The following SLC9C2 variants were observed in gnomAD, a reference collection of about 807,000 sequenced individuals.
The protein encoded by SLC9C2 is solute carrier family 9 member C2 (putative), also known as sodium/hydrogen exchanger 11.
SLC9C2 carries 75 observed loss-of-function variants against 140.2 expected under a neutral mutation model. That is an observed-to-expected ratio of 0.53 (90% CI 0.44 to 0.65). The LOEUF is 0.65. SLC9C2 is among the 30% of genes least tolerant of loss of function. The pLI, the probability that SLC9C2 is intolerant of heterozygous loss-of-function variation, is 0.00. For synonymous variants in SLC9C2, 375 were observed against 420.9 expected, an observed-to-expected ratio of 0.89 and a Z score of 1.34; for missense variants, 1,074 against 1,331.8, an observed-to-expected ratio of 0.81 and a Z score of 3.01.
In SLC9C2 at chr1:173,573,669, G is replaced by A. The variant is rs75806211; in HGVS notation, c.903-344C>T. Among the ~76,000 whole-genome samples, 1,423 of 152,268 alleles carry A rather than the reference G, an allele frequency of 9.3e-3. 24 individuals are homozygous for A. Among genetic ancestry groups the A allele is most frequent in the African/African-American group, 0.033 (1,366 of 41,550 alleles). ...TCTTGGGCCTGCTACTGCTAAACCC[G>A]GAGTTGTAGTTGCTACTAGTAGGTA... On this transcript the variant is annotated intron_variant, in intron 8 of 27. Transcript: ENST00000367714.
At chr1:173,576,135 G>A (rs780018286) in intron 8 of SLC9C2, among the ~76,000 whole-genome samples, 2 of 152,102 alleles carry the variant, frequency 1.3e-5, no homozygotes, top group Non-Finnish European at 2.9e-5. Flanking sequence ...CGATAATTCT[G>A]AACCAATTCT....
chr1:173,515,246 A>T (rs12733402), intron 23 of SLC9C2, among the ~76,000 whole-genome samples: 22,529 of 152,070 alleles, frequency 0.15, 2,005 homozygotes, highest in East Asian at 0.31. Context: ...CTGATCCTGA[A>T]GTGTGTTTTC....
At chr1:173,589,540 AC>A (rs1666042341) in intron 4 of SLC9C2, among the ~76,000 whole-genome samples, 1 of 152,104 alleles carries the variant, frequency 6.6e-6, no homozygotes. Flanking sequence ...ATCCTGGGTG[AC>A]AGAGCTAGAC....
intron 9 of SLC9C2, chr1:173,571,418 A>G (rs1157418307): frequency 6.6e-6 from 1 of 152,076 alleles, no homozygotes; most frequent in Non-Finnish European, 1.5e-5. Flanking sequence ...GGCATGTACA[A>G]TTATGAGTCT....
chr1:173,589,893 G>T (rs1666058564), intron 4 of SLC9C2, among the ~76,000 whole-genome samples: 2 of 152,106 alleles, frequency 1.3e-5, no homozygotes, highest in South Asian at 4.1e-4. Context: ...AAAAGACAGA[G>T]AATTTAAAAT....
At chr1:173,576,595 G>T in intron 8 of SLC9C2, 66 bp downstream of exon 8, 1 of 934,334 alleles carries the variant, frequency 1.1e-6, no homozygotes, top group Non-Finnish European at 1.7e-6. Context: ...TAGTGTCCAT[G>T]AAGGCGAGAC....
chr1:173,567,636 G>T (rs1042441544), intron 9 of SLC9C2, among the ~76,000 whole-genome samples: 1 of 151,990 alleles, frequency 6.6e-6, no homozygotes, highest in Non-Finnish European at 1.5e-5. Flanking sequence ...TTTGATTGGA[G>T]AGTTTAGTCC....
At chr1:173,533,518 T>C (rs1661732855) in intron 17 of SLC9C2, 91 bp downstream of exon 17, 3 of 914,334 alleles carry the variant, frequency 3.3e-6, no homozygotes, top group Non-Finnish European at 5.0e-6. Context: ...ACTCAAGCAA[T>C]CCACCCACCT....
chr1:173,556,560 A>T (rs1288230463), intron 10 of SLC9C2, among the ~76,000 whole-genome samples: 2 of 152,142 alleles, frequency 1.3e-5, no homozygotes, highest in Non-Finnish European at 1.5e-5. Context: ...AAGAACTATA[A>T]GGATTAGAAT....
intron 11 of SLC9C2, among the ~76,000 whole-genome samples, chr1:173,553,362 T>G (rs1663453507): frequency 6.6e-6 from 1 of 152,262 alleles, no homozygotes; most frequent in Admixed American, 6.5e-5. Context: ...TATTCCAATT[T>G]TGAAAGAAGC....
chr1:173,579,604 C>T lies in SLC9C2; in HGVS notation c.802+2243G>A, dbSNP rs560905153. On this transcript the variant is annotated intron_variant, in intron 7 of 27. Transcript: ENST00000367714. ...AAGGACCTTTTACTCCACAGCTATG[C>T]GACTTATACTCCTTCACAGAAATCA... 2.7e-4 allele frequency among the ~76,000 whole-genome samples: 41 copies of T among 152,268 alleles called. 1 individual carries two copies. In the South Asian group the frequency reaches 7.7e-3, roughly 28 times the overall value.
At chr1:173,502,826 C>T (rs1156299909) in intron 27 of SLC9C2, among the ~76,000 whole-genome samples, 1 of 152,150 alleles carries the variant, frequency 6.6e-6, no homozygotes, top group Non-Finnish European at 1.5e-5. Context: ...TTTAAAGGAT[C>T]CTCAAGTAAA....
chr1:173,519,126 G>C (rs921971746), intron 22 of SLC9C2, among the ~76,000 whole-genome samples: 1 of 152,052 alleles, frequency 6.6e-6, no homozygotes, highest in African/African-American at 2.4e-5. Flanking sequence ...ATATTGCGGG[G>C]ACTGTAATCA....
At chr1:173,542,149 A>G (rs1219496504) in intron 13 of SLC9C2, among the ~76,000 whole-genome samples, 1 of 152,194 alleles carries the variant, frequency 6.6e-6, no homozygotes, top group Non-Finnish European at 1.5e-5. Context: ...AGAAGCACAT[A>G]GATGCAATAA....
At chr1:173,572,361 A>C (rs575507548) in intron 9 of SLC9C2, among the ~76,000 whole-genome samples, 33 of 152,330 alleles carry the variant, frequency 2.2e-4, no homozygotes, top group African/African-American at 7.0e-4. Flanking sequence ...GGCTGTGTAC[A>C]CAGCCTTCTG....
intron 27 of SLC9C2, among the ~76,000 whole-genome samples, chr1:173,502,023 C>T (rs564825347): frequency 1.3e-5 from 2 of 152,146 alleles, no homozygotes; most frequent in East Asian, 3.9e-4. Context: ...CCTGTAATCC[C>T]AGCACTTTGG....
chr1:173,583,425 C>T, intron 6 of SLC9C2, 81 bp downstream of exon 6: 1 of 790,434 alleles, frequency 1.3e-6, no homozygotes, highest in Non-Finnish European at 2.1e-6. Flanking sequence ...ATAGAGAAGG[C>T]AGCAAAGTTA....
At chr1:173,538,318 C>T (rs1180719489) in intron 13 of SLC9C2, among the ~76,000 whole-genome samples, 1 of 152,188 alleles carries the variant, frequency 6.6e-6, no homozygotes, top group African/African-American at 2.4e-5. Context: ...AGGCCTACCT[C>T]CAGTGTTTAC....
intron 2 of SLC9C2, 23 bp downstream of exon 2, chr1:173,601,627 G>A: frequency 6.2e-7 from 1 of 1,610,782 alleles, no homozygotes; most frequent in Non-Finnish European, 8.5e-7. Context: ...GAGGAAAGAT[G>A]AGTTTCAAAA....
Sources: gnomAD v4.1 joint callset for allele counts (sites outside exome capture counted in the v4.1 genomes callset) on GRCh38, gnomAD v4.1.1 for gene constraint, MANE v1.5 for transcripts, NCBI Gene and HGNC (gene_info 2026-07-23, HGNC 2026-07-21) for gene names.